NALF1: variants seen among roughly 807,000 people sequenced by gnomAD.
NALF1 encodes the protein family with sequence similarity 155 member A.
In NALF1, 3 loss-of-function variants were observed where a neutral mutation model predicts 48.4. The ratio of observed to expected loss-of-function variants is 0.06; its 90% CI spans 0.03 to 0.16. The LOEUF (loss-of-function observed/expected upper bound fraction) is 0.16. Ranked by LOEUF, NALF1 falls within the 10% of genes least tolerant of loss-of-function variation. NALF1 has a pLI of 1.00. For missense variants in NALF1, 526 were observed against 571.5 expected, an observed-to-expected ratio of 0.92 and a Z score of 0.81; for synonymous variants, 262 against 245.7, an observed-to-expected ratio of 1.07 and a Z score of -0.62.
intron 1 of NALF1, among the ~76,000 whole-genome samples, chr13:107,338,355 G>T (rs954691931): frequency 6.6e-6 from 1 of 152,044 alleles, no homozygotes; most frequent in African/African-American, 2.4e-5. Context: ...TGGGAAATGA[G>T]GTATAACTGG....
At chr13:107,747,955 T>C (rs1876831066) in intron 1 of NALF1, among the ~76,000 whole-genome samples, 1 of 152,270 alleles carries the variant, frequency 6.6e-6, no homozygotes, top group Admixed American at 6.5e-5. Flanking sequence ...CCAAATATTT[T>C]CCCCATTCTG....
At position 107,808,559 on chromosome 13, in the gene NALF1, C is replaced by A. The variant is rs78519607; in HGVS notation, c.915+57123G>T. Among the ~76,000 whole-genome samples the A allele has an allele frequency of 7.4e-3, 1,124 of 151,962 alleles. 13 individuals carry two copies. The highest frequency in any genetic ancestry group is 0.026 in the African/African-American group (1,064 of 41,464). On this transcript the variant is annotated intron_variant, in intron 1 of 2. Transcript: ENST00000375915. ...ATGAACAGAGGCTTTTACAGAAACA[C>A]TGATGACTCGAGAAAAGAAAGTGTA...
intron 1 of NALF1, among the ~76,000 whole-genome samples, chr13:107,629,619 C>CATTTTTGATAAACAATG (rs1879778018): frequency 6.6e-6 from 1 of 151,602 alleles, no homozygotes; most frequent in Admixed American, 6.6e-5. Context: ...GCTCTCTCTT[C>CATTTTTGATAAACAATG]TCACTTTTTA....
At chr13:107,826,963 A>T (rs1334032401) in intron 1 of NALF1, among the ~76,000 whole-genome samples, 1 of 152,150 alleles carries the variant, frequency 6.6e-6, no homozygotes, top group Non-Finnish European at 1.5e-5. Context: ...AGTGGTAGAA[A>T]ATTATGAGAG....
chr13:107,558,948 A>G (rs2138391589), intron 1 of NALF1, among the ~76,000 whole-genome samples: 1 of 152,286 alleles, frequency 6.6e-6, no homozygotes, highest in African/African-American at 2.4e-5. Context: ...CCCTTGGCTC[A>G]GTGCTGTGGG....
Position 107,477,752 on chromosome 13 carries a change from G to C in NALF1, c.916-266997C>G, listed in dbSNP as rs566228320. Among the ~76,000 whole-genome samples, 7 of 152,048 alleles carry C rather than the reference G, an allele frequency of 4.6e-5. 1 individual carries two copies. Among genetic ancestry groups the C allele is most frequent in the African/African-American group, 1.7e-4 (7 of 41,484 alleles). On this transcript the variant is annotated intron_variant, in intron 1 of 2. Transcript: ENST00000375915. ...GGATTGATTAGGGCAGGAGGCTTTA[G>C]AAAACCTGTAACTAATTTTTTTTCC...
intron 1 of NALF1, among the ~76,000 whole-genome samples, chr13:107,302,871 C>G (rs1881864716): frequency 6.6e-6 from 1 of 152,144 alleles, no homozygotes; most frequent in African/African-American, 2.4e-5. Flanking sequence ...CAGACACACA[C>G]AGACACACAC....
intron 1 of NALF1, among the ~76,000 whole-genome samples, chr13:107,320,393 A>T (rs1334424269): frequency 1.3e-5 from 2 of 152,154 alleles, no homozygotes; most frequent in East Asian, 3.9e-4. Context: ...CTTTTGACCT[A>T]TTCCACTGTT....
At chr13:107,232,321 A>T (rs1880244154) in intron 1 of NALF1, among the ~76,000 whole-genome samples, 1 of 152,166 alleles carries the variant, frequency 6.6e-6, no homozygotes, top group Admixed American at 6.5e-5. Context: ...GATAAAGGGG[A>T]GTCTGTTCCA....
At chr13:107,624,652 G>A (rs1362644958) in intron 1 of NALF1, among the ~76,000 whole-genome samples, 1 of 152,150 alleles carries the variant, frequency 6.6e-6, no homozygotes, top group Non-Finnish European at 1.5e-5. Context: ...TTTTTGCTGT[G>A]AAACTTTTGA....
intron 1 of NALF1, among the ~76,000 whole-genome samples, chr13:107,747,974 T>C (rs1876831682): frequency 6.6e-6 from 1 of 152,214 alleles, no homozygotes; most frequent in Non-Finnish European, 1.5e-5. Flanking sequence ...TGATTACTAA[T>C]AAGGAACATC....
rs148923366 is a variant in NALF1, at chr13:107,182,226, C to CTGTGTG, written c.1088-11446_1088-11441dup. 1.9e-3 allele frequency among the ~76,000 whole-genome samples: 275 copies of CTGTGTG among 145,238 alleles called. 1 individual carries two copies. Among genetic ancestry groups the CTGTGTG allele is most frequent in the African/African-American group, 6.0e-3 (231 of 38,424 alleles). On this transcript the variant is annotated intron_variant, in intron 2 of 2. Transcript: ENST00000375915. ...GAGCATATTTATTTATTTATTTATG[C>CTGTGTG]TGTGTGTGTGTGTGTGTGTGTGTGT...
At chr13:107,466,615 T>C (rs1335515231) in intron 1 of NALF1, 1 of 152,188 alleles carries the variant, frequency 6.6e-6, no homozygotes, top group African/African-American at 2.4e-5. Flanking sequence ...CCTTCGTCCT[T>C]GTGGTCTACA....
chr13:107,684,103 G>A lies in NALF1; in HGVS notation c.915+181579C>T, dbSNP rs562178693. Among the ~76,000 whole-genome samples, 18 of 152,226 alleles carry A rather than the reference G, an allele frequency of 1.2e-4. No individual in the cohort carries two copies. In the East Asian group the frequency reaches 1.6e-3, roughly 13 times the overall value. ...CCCTCCTGACATTCCAGGCAAGGGC[G>A]AGCCACCAGCCATCTGTGGCTCCCA... On this transcript the variant is annotated intron_variant, in intron 1 of 2. Coordinates refer to ENST00000375915, the MANE Select transcript of NALF1 (RefSeq NM_001080396.3).
At chr13:107,251,563 G>A (rs191965326) in intron 1 of NALF1, among the ~76,000 whole-genome samples, 1 of 152,172 alleles carries the variant, frequency 6.6e-6, no homozygotes, top group Non-Finnish European at 1.5e-5. Flanking sequence ...CCTCGGAGAC[G>A]GGTGGCAAGG....
At chr13:107,828,492 G>GTTTTTTTTTTT (rs35255869) in intron 1 of NALF1, among the ~76,000 whole-genome samples, 1 of 136,750 alleles carries the variant, frequency 7.3e-6, no homozygotes, top group Non-Finnish European at 1.5e-5. Flanking sequence ...CCACTGACTT[G>GTTTTTTTTTTT]TTTTTTTTTT....
At chr13:107,497,205 C>G (rs1423907341) in intron 1 of NALF1, among the ~76,000 whole-genome samples, 1 of 152,026 alleles carries the variant, frequency 6.6e-6, no homozygotes, top group Non-Finnish European at 1.5e-5. Context: ...ATTGCTATAT[C>G]TCAGAACATG....
At chr13:107,772,944 C>T (rs1877620754) in intron 1 of NALF1, among the ~76,000 whole-genome samples, 1 of 152,082 alleles carries the variant, frequency 6.6e-6, no homozygotes. Flanking sequence ...TGTAAAATTT[C>T]AGGATAGATC....
intron 1 of NALF1, among the ~76,000 whole-genome samples, chr13:107,375,899 A>G (rs74875903): frequency 9.7e-4 from 148 of 151,990 alleles, no homozygotes; most frequent in African/African-American, 3.4e-3. Context: ...CCCGATAGTC[A>G]TGTTCTTATA....
Sources: allele counts gnomAD v4.1 joint callset (sites outside exome capture counted in the v4.1 genomes callset), GRCh38; gene constraint gnomAD v4.1.1; transcripts MANE v1.5; gene names NCBI Gene and HGNC (gene_info 2026-07-23, HGNC 2026-07-21).